Variants in NRXN1 observed in about 807,000 individuals in gnomAD.
NRXN1 encodes the protein neurexin-1.
NRXN1 carries 39 observed loss-of-function variants against 150.9 expected under a neutral mutation model. That is an observed-to-expected ratio of 0.26 (90% CI 0.20 to 0.34). The LOEUF is 0.34. Ranked by LOEUF, NRXN1 falls within the 10% of genes least tolerant of loss-of-function variation. The probability of loss-of-function intolerance (pLI) is 1.00; values close to 1 mark genes in which losing one functional copy is unlikely to be tolerated. For synonymous variants in NRXN1, 924 were observed against 757.0 expected (o/e 1.22, Z -3.62); for missense variants, 1,815 against 1,949.9 (o/e 0.93, Z 1.30).
intron 11 of NRXN1, among the ~76,000 whole-genome samples, chr2:50,529,262 G>A (rs2093037226): frequency 3.3e-5 from 5 of 152,168 alleles, no homozygotes; most frequent in Non-Finnish European, 7.4e-5. Flanking sequence ...AGAAACAACT[G>A]TATGTTTCCT....
chr2:50,731,368 A>G (rs919284057), intron 5 of NRXN1, among the ~76,000 whole-genome samples: 13 of 152,242 alleles, frequency 8.5e-5, no homozygotes. Context: ...ATTCTTTTGT[A>G]AGTTCGCTGT....
At chr2:50,967,429 C>G (rs1447450906) in intron 2 of NRXN1, among the ~76,000 whole-genome samples, 1 of 151,956 alleles carries the variant, frequency 6.6e-6, no homozygotes, top group Admixed American at 6.6e-5. Context: ...TAAATTAAAT[C>G]CATACCTGAA....
chr2:50,281,316 C>CACAAAAAAAAAAAAACAAAAAAAAAAA (rs1187135501), intron 17 of NRXN1, among the ~76,000 whole-genome samples: 1 of 124,630 alleles, frequency 8.0e-6, no homozygotes, highest in Admixed American at 8.4e-5. Flanking sequence ...GACTCCGTCT[C>CACAAAAAAAAAAAAACAAAAAAAAAAA]AAAAACAATA....
intron 18 of NRXN1, among the ~76,000 whole-genome samples, chr2:50,190,603 C>CT (rs796974992): frequency 5.7e-4 from 70 of 122,596 alleles, no homozygotes; most frequent in African/African-American, 1.8e-3. Flanking sequence ...CACCTTCTAA[C>CT]TTTTTTTTTC....
intron 17 of NRXN1, among the ~76,000 whole-genome samples, chr2:50,397,827 T>C (rs764382211): frequency 2.0e-4 from 30 of 152,124 alleles, no homozygotes; most frequent in Non-Finnish European, 4.4e-4. Flanking sequence ...CTTTTTCCTT[T>C]ATAGTAACAG....
chr2:50,528,940 T>C (rs767092274), intron 11 of NRXN1: 4 of 328,822 alleles, frequency 1.2e-5, no homozygotes, highest in African/African-American at 2.2e-5. Flanking sequence ...TGGCTTAGAC[T>C]GGCTGCAACT....
intron 8 of NRXN1, among the ~76,000 whole-genome samples, chr2:50,608,437 A>C (rs1677485306): frequency 6.6e-6 from 1 of 152,122 alleles, no homozygotes; most frequent in Admixed American, 6.6e-5. Flanking sequence ...GCTGGTTCAC[A>C]TCCACAGCTT....
chr2:50,005,760 A>G (rs190549651), intron 21 of NRXN1, among the ~76,000 whole-genome samples: 1 of 152,246 alleles, frequency 6.6e-6, no homozygotes, highest in East Asian at 1.9e-4. Flanking sequence ...TACCTTCTGC[A>G]CCAAATTCTA....
intron 17 of NRXN1, among the ~76,000 whole-genome samples, chr2:50,274,036 A>G (rs2070071775): frequency 1.3e-5 from 2 of 152,192 alleles, no homozygotes; most frequent in Admixed American, 1.3e-4. Context: ...GTATATACCC[A>G]AAGGATTATA....
chr2:50,285,477 T>C (rs886517155), intron 17 of NRXN1, among the ~76,000 whole-genome samples: 1 of 152,130 alleles, frequency 6.6e-6, no homozygotes, highest in African/African-American at 2.4e-5. Flanking sequence ...GAACCTAATG[T>C]GCACTTGTTT....
intron 5 of NRXN1, chr2:50,917,303 A>G (rs1324493982): frequency 6.6e-6 from 1 of 151,770 alleles, no homozygotes; most frequent in Non-Finnish European, 1.5e-5. Context: ...AGAAGAAGAT[A>G]CATATCATAT....
intron 21 of NRXN1, among the ~76,000 whole-genome samples, chr2:50,003,582 G>C (rs1684287511): frequency 6.6e-6 from 1 of 152,090 alleles, no homozygotes; most frequent in African/African-American, 2.4e-5. Context: ...ACAATTTTCA[G>C]AATGTTCAGT....
chr2:49,991,433 A>G (rs1464188478), intron 21 of NRXN1, among the ~76,000 whole-genome samples: 1 of 152,152 alleles, frequency 6.6e-6, no homozygotes, highest in African/African-American at 2.4e-5. Flanking sequence ...ATATACCAAC[A>G]ATGAACAAGT....
At chr2:50,358,251 G>C (rs898269640) in intron 17 of NRXN1, among the ~76,000 whole-genome samples, 3 of 152,218 alleles carry the variant, frequency 2.0e-5, no homozygotes, top group African/African-American at 7.2e-5. Flanking sequence ...CCCCTGGAAA[G>C]GGGGATGAAG....
chr2:50,994,982 T>A (rs1699049389), intron 2 of NRXN1, among the ~76,000 whole-genome samples: 2 of 152,042 alleles, frequency 1.3e-5, no homozygotes, highest in Admixed American at 6.6e-5. Flanking sequence ...ACGCTTAAAG[T>A]GTCTGTTCTC....
intron 17 of NRXN1, among the ~76,000 whole-genome samples, chr2:50,309,516 C>T (rs1211567021): frequency 6.6e-6 from 1 of 152,128 alleles, no homozygotes; most frequent in Non-Finnish European, 1.5e-5. Context: ...AGAGACTTTT[C>T]CCCTGTATGT....
At chr2:50,607,310 G>A (rs1445380500) in intron 8 of NRXN1, among the ~76,000 whole-genome samples, 1 of 152,100 alleles carries the variant, frequency 6.6e-6, no homozygotes, top group Non-Finnish European at 1.5e-5. Context: ...GCATCCCTTT[G>A]TTCATCTAAT....
chr2:50,527,259 G>A (rs2092978612), intron 12 of NRXN1, among the ~76,000 whole-genome samples: 1 of 152,138 alleles, frequency 6.6e-6, no homozygotes, highest in Admixed American at 6.6e-5. Context: ...AGAATATTTT[G>A]TGAGTTGCCA....
At chr2:50,306,690 G>T (rs1176050413) in intron 17 of NRXN1, among the ~76,000 whole-genome samples, 2 of 152,084 alleles carry the variant, frequency 1.3e-5, no homozygotes, top group African/African-American at 4.8e-5. Flanking sequence ...ATGCACCCTT[G>T]TGCCCCTCCT....
Sources: allele counts gnomAD v4.1 joint callset (sites outside exome capture counted in the v4.1 genomes callset), GRCh38; gene constraint gnomAD v4.1.1; transcripts MANE v1.5; gene names NCBI Gene and HGNC (gene_info 2026-07-23, HGNC 2026-07-21).